Variants in CMSS1 observed in about 807,000 individuals in gnomAD.
CMSS1 encodes the protein cms1 ribosomal small subunit homolog.
Under a neutral mutation model 43.5 loss-of-function variants are expected in CMSS1, and 33 were observed. That is an observed-to-expected ratio of 0.76 (90% CI 0.57 to 1.01). The LOEUF (loss-of-function observed/expected upper bound fraction) is 1.01, where lower values mean the gene tolerates loss of function less well. Ranked by LOEUF, CMSS1 falls within the 50% of genes least tolerant of loss-of-function variation. CMSS1 has a pLI of 0.00. For missense variants in CMSS1, 313 were observed against 326.4 expected (o/e 0.96, Z 0.32); for synonymous variants, 115 against 117.2 (o/e 0.98, Z 0.12).
At chr3:99,958,325 G>A (rs1376619010) in intron 1 of CMSS1, among the ~76,000 whole-genome samples, 1 of 151,242 alleles carries the variant, frequency 6.6e-6, no homozygotes, top group African/African-American at 2.4e-5. Flanking sequence ...GCCACCCAGG[G>A]TCTATTTTTA....
At chr3:99,983,460 GTGTGTA>G (rs1164514672) in intron 1 of CMSS1, among the ~76,000 whole-genome samples, 47 of 69,466 alleles carry the variant, frequency 6.8e-4, no homozygotes, top group African/African-American at 4.3e-3. Context: ...ATATATATAT[GTGTGTA>G]TATATATATA....
At chr3:100,050,742 C>G (rs2065357277) in intron 1 of CMSS1, among the ~76,000 whole-genome samples, 1 of 152,124 alleles carries the variant, frequency 6.6e-6, no homozygotes, top group African/African-American at 2.4e-5. Flanking sequence ...GTTGGCCAGG[C>G]TGGTCTCGAA....
chr3:100,069,231 A>T (rs1166819757), intron 1 of CMSS1, among the ~76,000 whole-genome samples: 1 of 152,140 alleles, frequency 6.6e-6, no homozygotes, highest in Non-Finnish European at 1.5e-5. Flanking sequence ...ATTTCTGCAC[A>T]TGGATGTTAG....
intron 1 of CMSS1, among the ~76,000 whole-genome samples, chr3:100,084,781 T>G (rs2065982271): frequency 6.6e-6 from 1 of 152,234 alleles, no homozygotes; most frequent in Non-Finnish European, 1.5e-5. Flanking sequence ...TAGTTTTCAC[T>G]TGGTTCATAT....
chr3:100,097,506 A>T (rs1042784035), intron 1 of CMSS1, among the ~76,000 whole-genome samples: 1 of 152,190 alleles, frequency 6.6e-6, no homozygotes, highest in African/African-American at 2.4e-5. Flanking sequence ...CCACGAACAC[A>T]GTATATCTCT....
At chr3:100,166,311 A>G (rs1480092576) in intron 4 of CMSS1, 24 bp from the exon 5 acceptor site, 2 of 1,518,248 alleles carry the variant, frequency 1.3e-6, no homozygotes, top group Non-Finnish European at 1.8e-6. Context: ...AATTATCTAC[A>G]AAGCATGTTT....
chr3:100,077,915 A>G (rs929152849), intron 1 of CMSS1, among the ~76,000 whole-genome samples: 2 of 152,204 alleles, frequency 1.3e-5, no homozygotes, highest in Non-Finnish European at 2.9e-5. Context: ...CTCAAAAAAA[A>G]TAAGAATAAT....
At chr3:99,925,122 A>G (rs1707250205) in intron 1 of CMSS1, among the ~76,000 whole-genome samples, 1 of 152,168 alleles carries the variant, frequency 6.6e-6, no homozygotes, top group African/African-American at 2.4e-5. Context: ...TCTCTGTACC[A>G]GTATATGCCT....
intron 1 of CMSS1, among the ~76,000 whole-genome samples, chr3:99,903,400 T>G (rs567512221): frequency 2.6e-5 from 4 of 151,764 alleles, no homozygotes; most frequent in Admixed American, 6.6e-5. Flanking sequence ...TACAGGCGCC[T>G]GCCACCACAC....
At chr3:100,058,222 T>A (rs553577325) in intron 1 of CMSS1, among the ~76,000 whole-genome samples, 1 of 152,342 alleles carries the variant, frequency 6.6e-6, no homozygotes, top group Admixed American at 6.5e-5. Flanking sequence ...CTACTGCCTC[T>A]CTCAGGCAGA....
At chr3:99,889,244 G>T (rs1276199418) in intron 1 of CMSS1, among the ~76,000 whole-genome samples, 1 of 151,972 alleles carries the variant, frequency 6.6e-6, no homozygotes, top group Non-Finnish European at 1.5e-5. Flanking sequence ...TTGTCCTTGT[G>T]TTTCTGGCAA....
At chr3:100,109,179 T>A (rs901301087) in intron 1 of CMSS1, among the ~76,000 whole-genome samples, 2 of 152,208 alleles carry the variant, frequency 1.3e-5, no homozygotes, top group South Asian at 2.1e-4. Context: ...CTATTAATCA[T>A]TTTTTAAGGG....
intron 1 of CMSS1, among the ~76,000 whole-genome samples, chr3:99,971,793 A>G (rs1002148912): frequency 7.9e-5 from 12 of 152,218 alleles, no homozygotes; most frequent in African/African-American, 2.4e-4. Flanking sequence ...CCCATAAAAG[A>G]GAACAGAGTC....
chr3:99,905,727 C>A (rs1450433404), intron 1 of CMSS1, among the ~76,000 whole-genome samples: 1 of 152,138 alleles, frequency 6.6e-6, no homozygotes, highest in Non-Finnish European at 1.5e-5. Context: ...GAGAGGTTGC[C>A]ACCATTTGAT....
chr3:99,931,892 A>G (rs1488103499), intron 1 of CMSS1, among the ~76,000 whole-genome samples: 1 of 152,330 alleles, frequency 6.6e-6, no homozygotes, highest in African/African-American at 2.4e-5. Flanking sequence ...ATATCAGTTG[A>G]ACTTATAATT....
chr3:99,965,627 G>T (rs755564024), intron 1 of CMSS1, among the ~76,000 whole-genome samples: 1 of 152,152 alleles, frequency 6.6e-6, no homozygotes, highest in Non-Finnish European at 1.5e-5. Context: ...GTGTTCCAAG[G>T]TAGGGAATCC....
chr3:100,166,687 C>G (rs1334068393), intron 5 of CMSS1, among the ~76,000 whole-genome samples: 1 of 152,182 alleles, frequency 6.6e-6, no homozygotes, highest in Non-Finnish European at 1.5e-5. Context: ...GTTTACCACT[C>G]AGACCATGGC....
intron 1 of CMSS1, among the ~76,000 whole-genome samples, chr3:99,869,165 G>A (rs1408118143): frequency 6.6e-6 from 1 of 152,154 alleles, no homozygotes; most frequent in Non-Finnish European, 1.5e-5. Context: ...TCTGGAAGGA[G>A]AACCATTTAG....
chr3:100,164,423 T>G (rs2067049899), intron 4 of CMSS1, among the ~76,000 whole-genome samples: 1 of 152,186 alleles, frequency 6.6e-6, no homozygotes. Context: ...GAAGAAACTT[T>G]TAAGGAGTCA....
Sources: gnomAD v4.1 joint callset for allele counts (sites outside exome capture counted in the v4.1 genomes callset) on GRCh38, gnomAD v4.1.1 for gene constraint, MANE v1.5 for transcripts, NCBI Gene and HGNC (gene_info 2026-07-23, HGNC 2026-07-21) for gene names.